Variants in FGGY observed in about 807,000 individuals in gnomAD.
FGGY encodes the protein FGGY carbohydrate kinase domain-containing protein.
A neutral mutation model predicts 71.3 loss-of-function variants in FGGY; 72 were observed. That is an observed-to-expected ratio of 1.01 (90% CI 0.84 to 1.23). FGGY has a LOEUF of 1.23. Among genes scored for constraint, FGGY ranks in the 50% most tolerant of loss-of-function variants. FGGY has a pLI of 0.00. For synonymous variants in FGGY, 251 were observed against 250.3 expected, an observed-to-expected ratio of 1.00 and a Z score of -0.02; for missense variants, 668 against 682.3, an observed-to-expected ratio of 0.98 and a Z score of 0.23.
intron 8 of FGGY, among the ~76,000 whole-genome samples, chr1:59,595,083 G>C (rs2096504083): frequency 6.6e-6 from 1 of 152,168 alleles, no homozygotes; most frequent in African/African-American, 2.4e-5. Context: ...GATATAAAAG[G>C]AACAGGCTTT....
chr1:59,529,876 A>G (rs1455401382), intron 7 of FGGY, among the ~76,000 whole-genome samples: 1 of 152,254 alleles, frequency 6.6e-6, no homozygotes, highest in African/African-American at 2.4e-5. Context: ...AAACAAATCC[A>G]TGCATTAGGC....
intron 14 of FGGY, among the ~76,000 whole-genome samples, chr1:59,723,442 A>G (rs1169880991): frequency 6.6e-6 from 1 of 152,148 alleles, no homozygotes; most frequent in Admixed American, 6.5e-5. Flanking sequence ...TTAATTATTC[A>G]ATTTCAGTAT....
At chr1:59,716,541 T>G (rs1246450631) in intron 14 of FGGY, among the ~76,000 whole-genome samples, 1 of 152,204 alleles carries the variant, frequency 6.6e-6, no homozygotes, top group African/African-American at 2.4e-5. Context: ...TTGGAACATT[T>G]GTTTTATGCG....
intron 4 of FGGY, among the ~76,000 whole-genome samples, chr1:59,350,987 C>T (rs1326288669): frequency 6.6e-6 from 1 of 152,144 alleles, no homozygotes; most frequent in Non-Finnish European, 1.5e-5. Flanking sequence ...CAAATCTGGC[C>T]TACTGCCTGT....
At chr1:59,330,973 T>C (rs897547288) in intron 2 of FGGY, among the ~76,000 whole-genome samples, 1 of 152,130 alleles carries the variant, frequency 6.6e-6, no homozygotes, top group African/African-American at 2.4e-5. Context: ...GCTGAGATTT[T>C]TTTTTTTTTA....
chr1:59,310,585 G>A (rs2044138840), intron 1 of FGGY, among the ~76,000 whole-genome samples: 1 of 152,238 alleles, frequency 6.6e-6, no homozygotes, highest in African/African-American at 2.4e-5. Flanking sequence ...TGTCTCCAGG[G>A]TCCTGGCACA....
At chr1:59,444,751 A>G (rs1026062911) in intron 5 of FGGY, among the ~76,000 whole-genome samples, 1 of 152,144 alleles carries the variant, frequency 6.6e-6, no homozygotes, top group Admixed American at 6.5e-5. Flanking sequence ...TGAGAATCTA[A>G]TGCCTGATGA....
At position 59,661,881 on chromosome 1, in the gene FGGY, A is replaced by G. The variant is rs183996169; in HGVS notation, c.1296+1588A>G. 3.5e-3 allele frequency among the ~76,000 whole-genome samples: 533 copies of G among 150,956 alleles called. 4 individuals are homozygous for G. The highest frequency in any genetic ancestry group is 0.012 in the African/African-American group (508 of 41,208). ...ACTACAGGCGCATGCCACCATGCCC[A>G]GCTGATTTTTTGTATTTTTAGTAGA... On this transcript the variant is annotated intron_variant, in intron 12 of 15. Coordinates refer to ENST00000303721, the MANE Select transcript of FGGY (RefSeq NM_018291.5).
intron 8 of FGGY, among the ~76,000 whole-genome samples, chr1:59,563,109 C>G (rs929374859): frequency 6.6e-6 from 1 of 152,046 alleles, no homozygotes; most frequent in Admixed American, 6.6e-5. Flanking sequence ...GCCTGATTGC[C>G]CTGGCCAGAA....
chr1:59,347,093 T>C (rs2052151102), intron 4 of FGGY, among the ~76,000 whole-genome samples: 2 of 24,078 alleles, frequency 8.3e-5, no homozygotes, highest in South Asian at 3.1e-3. Flanking sequence ...TCTTTTTTTT[T>C]CGGTTATTCT....
At chr1:59,439,175 T>A (rs2069185206) in intron 5 of FGGY, among the ~76,000 whole-genome samples, 1 of 152,190 alleles carries the variant, frequency 6.6e-6, no homozygotes, top group East Asian at 1.9e-4. Flanking sequence ...GCGTACTGAA[T>A]GGGACTGTGT....
chr1:59,492,566 G>A (rs1165451697), intron 6 of FGGY, among the ~76,000 whole-genome samples: 1 of 152,108 alleles, frequency 6.6e-6, no homozygotes, highest in East Asian at 1.9e-4. Flanking sequence ...GCATAGGAAA[G>A]AGACTAGATG....
chr1:59,484,353 C>T (rs1360788698), intron 6 of FGGY, among the ~76,000 whole-genome samples: 2 of 152,132 alleles, frequency 1.3e-5, no homozygotes, highest in African/African-American at 4.8e-5. Context: ...CTTATATCAT[C>T]TTTCTCCCTG....
At chr1:59,360,182 G>T (rs1185595600) in intron 4 of FGGY, among the ~76,000 whole-genome samples, 1 of 141,848 alleles carries the variant, frequency 7.0e-6, no homozygotes, top group Non-Finnish European at 1.6e-5. Context: ...GAAAATTATT[G>T]GTCCTGGACT....
At chr1:59,700,357 T>A (rs1185437750) in intron 14 of FGGY, among the ~76,000 whole-genome samples, 1 of 152,208 alleles carries the variant, frequency 6.6e-6, no homozygotes, top group Non-Finnish European at 1.5e-5. Context: ...TGCCAAGCAC[T>A]GTTCTAACCA....
intron 12 of FGGY, among the ~76,000 whole-genome samples, chr1:59,662,861 A>C (rs1188846628): frequency 6.6e-6 from 1 of 152,226 alleles, no homozygotes; most frequent in African/African-American, 2.4e-5. Context: ...CTCACAATGT[A>C]TTCCCATGGT....
At chr1:59,625,497 A>T (rs1050430846) in intron 9 of FGGY, among the ~76,000 whole-genome samples, 2 of 151,958 alleles carry the variant, frequency 1.3e-5, no homozygotes, top group Non-Finnish European at 2.9e-5. Flanking sequence ...TTTTTTAATG[A>T]GGGTTTTTTC....
intron 14 of FGGY, among the ~76,000 whole-genome samples, chr1:59,707,403 G>T (rs144293479): frequency 6.6e-6 from 1 of 152,194 alleles, no homozygotes; most frequent in African/African-American, 2.4e-5. Context: ...GTAGGAGGAG[G>T]GGGAGAGAGG....
intron 8 of FGGY, among the ~76,000 whole-genome samples, chr1:59,555,681 A>G (rs938632944): frequency 1.3e-5 from 2 of 152,170 alleles, no homozygotes; most frequent in Non-Finnish European, 2.9e-5. Context: ...GCAGTCTTGA[A>G]TGGAATTTTT....
Sources: allele counts gnomAD v4.1 joint callset (sites outside exome capture counted in the v4.1 genomes callset), GRCh38; gene constraint gnomAD v4.1.1; transcripts MANE v1.5; gene names NCBI Gene and HGNC (gene_info 2026-07-23, HGNC 2026-07-21).